Variants in TMEM232 observed in about 807,000 individuals in gnomAD.
TMEM232 encodes transmembrane protein 232.
In TMEM232, 80 loss-of-function variants were observed where a neutral mutation model predicts 78.8. The ratio of observed to expected loss-of-function variants is 1.01; its 90% CI spans 0.85 to 1.22. The LOEUF (loss-of-function observed/expected upper bound fraction) is 1.22, where lower values mean the gene tolerates loss of function less well. Among genes scored for constraint, TMEM232 ranks in the 50% most tolerant of loss-of-function variants. TMEM232 has a pLI of 0.00. For synonymous variants in TMEM232, 297 were observed against 254.3 expected, an observed-to-expected ratio of 1.17 and a Z score of -1.60; for missense variants, 881 against 742.2, an observed-to-expected ratio of 1.19 and a Z score of -2.17.
chr5:110,398,436 A>C (rs1434551769), intron 2 of TMEM232, among the ~76,000 whole-genome samples: 3 of 152,172 alleles, frequency 2.0e-5, no homozygotes, highest in African/African-American at 7.2e-5. Context: ...GTAGATGCCC[A>C]AAAGTGCTCC....
chr5:110,561,768 G>C (rs1436512013), intron 11 of TMEM232, among the ~76,000 whole-genome samples: 1 of 152,084 alleles, frequency 6.6e-6, no homozygotes, highest in African/African-American at 2.4e-5. Flanking sequence ...GTTTAGGTCA[G>C]CTGGGGACTG....
intron 5 of TMEM232, chr5:110,628,907 A>C (rs1023781086): frequency 3.3e-5 from 5 of 152,126 alleles, no homozygotes; most frequent in African/African-American, 1.2e-4. Context: ...AGTGATTTCC[A>C]AATATTTTTT....
At chr5:110,511,574 T>C (rs1280080404) in intron 12 of TMEM232, among the ~76,000 whole-genome samples, 2 of 152,174 alleles carry the variant, frequency 1.3e-5, no homozygotes, top group African/African-American at 4.8e-5. Context: ...TAATAAACTT[T>C]TTGTGCTTAC....
At chr5:110,547,862 G>A (rs1167273356) in intron 11 of TMEM232, among the ~76,000 whole-genome samples, 1 of 151,766 alleles carries the variant, frequency 6.6e-6, no homozygotes, top group Admixed American at 6.6e-5. Context: ...GCCAGGCATG[G>A]TGGTGCATGC....
At chr5:110,438,062 C>A (rs1044242916) in intron 12 of TMEM232, among the ~76,000 whole-genome samples, 9 of 152,220 alleles carry the variant, frequency 5.9e-5, no homozygotes, top group African/African-American at 2.2e-4. Context: ...CCCAGGCTTT[C>A]TAACATTTCT....
At chr5:110,604,161 G>A (rs1460692853) in intron 10 of TMEM232, among the ~76,000 whole-genome samples, 1 of 152,062 alleles carries the variant, frequency 6.6e-6, no homozygotes, top group Non-Finnish European at 1.5e-5. Flanking sequence ...TTTAATGGAA[G>A]TGAGAATCAC....
chr5:110,423,457 AAAAAAT>A (rs1561475290), intron 13 of TMEM232, among the ~76,000 whole-genome samples: 1 of 152,204 alleles, frequency 6.6e-6, no homozygotes, highest in Non-Finnish European at 1.5e-5. Context: ...TGAATACTGA[AAAAAAT>A]AAATATAATA....
At chr5:110,719,924 T>C (rs966859824) in intron 1 of TMEM232, among the ~76,000 whole-genome samples, 2 of 152,134 alleles carry the variant, frequency 1.3e-5, no homozygotes, top group African/African-American at 4.8e-5. Flanking sequence ...TGCTCAGCAG[T>C]CTGATCCAAT....
chr5:110,726,991 A>C (rs1277276175), upstream of TMEM232, among the ~76,000 whole-genome samples: 1 of 152,170 alleles, frequency 6.6e-6, no homozygotes, highest in Non-Finnish European at 1.5e-5. Flanking sequence ...CGCCTATCAT[A>C]CCAAAAGTAG....
In TMEM232 at chr5:110,694,696, C is replaced by A. The variant is rs192440670; in HGVS notation, c.-12-27332G>T. Among the ~76,000 whole-genome samples, 87 of 151,558 alleles carry A rather than the reference C, an allele frequency of 5.7e-4. No individual in the cohort carries two copies. In the East Asian group the frequency reaches 0.012, roughly 20 times the overall value. ...CAGACTTTAAACCAACAAAGATCAACAGAGACAAAGAAGGCCATTACATAA... is the reference window on the plus strand; with the variant it reads ...CAGACTTTAAACCAACAAAGATCAAAAGAGACAAAGAAGGCCATTACATAA... On this transcript the variant is annotated intron_variant, in intron 1 of 13. Coordinates refer to ENST00000455884, the MANE Select transcript of TMEM232 (RefSeq NM_001039763.4).
intron 1 of TMEM232, among the ~76,000 whole-genome samples, chr5:110,702,543 G>A (rs1287979596): frequency 6.6e-6 from 1 of 152,002 alleles, no homozygotes; most frequent in African/African-American, 2.4e-5. Context: ...TCATCCACAT[G>A]TTACTATCTC....
chr5:110,731,745 C>T (rs112834374), intron 2 of TMEM232, among the ~76,000 whole-genome samples: 6,430 of 152,286 alleles, frequency 0.042, 447 homozygotes, highest in African/African-American at 0.15. Context: ...TCCTGGGCCT[C>T]TAGGCCTGTG....
In TMEM232 at chr5:110,593,100, T is replaced by C. The variant is rs10463607; in HGVS notation, c.1276+12009A>G. ...TGAGAAAACAATGACCAAGAATGAC[T>C]ATATTCTTAGCAAGTGTGAGCTCAC... On this transcript the variant is annotated intron_variant, in intron 10 of 13. Coordinates refer to ENST00000455884, the MANE Select transcript of TMEM232 (RefSeq NM_001039763.4). Among the ~76,000 whole-genome samples the C allele has an allele frequency of 7.9e-5, 12 of 152,298 alleles. No homozygotes were observed. In the East Asian group the frequency reaches 2.3e-3, roughly 29 times the overall value.
chr5:110,712,953 G>T (rs1378428301), intron 1 of TMEM232, among the ~76,000 whole-genome samples: 2 of 152,140 alleles, frequency 1.3e-5, no homozygotes, highest in Non-Finnish European at 2.9e-5. Context: ...AAAGATATCT[G>T]CACTCTCATG....
chr5:110,659,457 C>T (rs1195470504), intron 2 of TMEM232, among the ~76,000 whole-genome samples: 2 of 152,124 alleles, frequency 1.3e-5, no homozygotes, highest in African/African-American at 4.8e-5. Context: ...GGTACACTTA[C>T]AGGTGCCTGG....
At chr5:110,723,375 A>C (rs1384934055) in intron 1 of TMEM232, among the ~76,000 whole-genome samples, 1 of 152,260 alleles carries the variant, frequency 6.6e-6, no homozygotes, top group South Asian at 2.1e-4. Context: ...TGTTTGGCAA[A>C]ATATCTATTA....
chr5:110,436,399 TTTGAG>T (rs1384012563), intron 12 of TMEM232, among the ~76,000 whole-genome samples: 2 of 152,028 alleles, frequency 1.3e-5, no homozygotes, highest in African/African-American at 2.4e-5. Context: ...TTTCTTATTC[TTTGAG>T]TTGTCTCTTC....
chr5:110,656,003 A>G (rs1788993385), intron 2 of TMEM232, among the ~76,000 whole-genome samples: 1 of 151,700 alleles, frequency 6.6e-6, no homozygotes, highest in African/African-American at 2.4e-5. Flanking sequence ...ACATGTATAC[A>G]TATGAACTAA....
At chr5:110,729,877 C>A (rs1798513253), upstream of TMEM232, among the ~76,000 whole-genome samples, 1 of 152,162 alleles carries the variant, frequency 6.6e-6, no homozygotes, top group Admixed American at 6.5e-5. Flanking sequence ...TTTCTGTTAT[C>A]TTCAACCAAA....
Sources: allele counts gnomAD v4.1 joint callset (sites outside exome capture counted in the v4.1 genomes callset), GRCh38; gene constraint gnomAD v4.1.1; transcripts MANE v1.5; gene names NCBI Gene and HGNC (gene_info 2026-07-23, HGNC 2026-07-21).